Variants in PIK3AP1 observed in about 807,000 individuals in gnomAD.
PIK3AP1 encodes the protein phosphoinositide 3-kinase adapter protein 1.
A neutral mutation model predicts 88.1 loss-of-function variants in PIK3AP1; 21 were observed. That is an observed-to-expected ratio of 0.24 (90% confidence interval 0.17 to 0.34). The LOEUF (loss-of-function observed/expected upper bound fraction) is 0.34. Ranked by LOEUF, PIK3AP1 falls within the 10% of genes least tolerant of loss-of-function variation. PIK3AP1 has a pLI of 1.00. For missense variants in PIK3AP1, 828 were observed against 1,035.7 expected, an observed-to-expected ratio of 0.80 and a Z score of 2.75; for synonymous variants, 398 against 400.0, an observed-to-expected ratio of 1.00 and a Z score of 0.06.
chr10:96,716,230 C>T (rs986906815), intron 1 of PIK3AP1, among the ~76,000 whole-genome samples: 1 of 151,914 alleles, frequency 6.6e-6, no homozygotes, highest in African/African-American at 2.4e-5. Flanking sequence ...TGCAGTGAGC[C>T]CAGGTCGTAC....
At chr10:96,672,831 A>G (rs983849234) in intron 2 of PIK3AP1, among the ~76,000 whole-genome samples, 1 of 152,098 alleles carries the variant, frequency 6.6e-6, no homozygotes, top group African/African-American at 2.4e-5. Context: ...TCTATCCTCA[A>G]CCAAGAAGCC....
Position 96,633,037 on chromosome 10 carries a change from G to C in PIK3AP1, c.1376-4544C>G, listed in dbSNP as rs1337856281. On this transcript the variant is annotated intron_variant, in intron 8 of 16. Transcript: ENST00000339364. ...TGCAAAGAGACAAGATCCATAGCAGGCCACGCTGGTGAAAAACCTCATGTC... is the reference window on the plus strand; with the variant it reads ...TGCAAAGAGACAAGATCCATAGCAGCCCACGCTGGTGAAAAACCTCATGTC... The C allele has an allele frequency of 2.5e-6, 4 of 1,609,412 alleles. No homozygotes were observed. The South Asian group carries it at 3.3e-5, about 13-fold the overall frequency.
intron 2 of PIK3AP1, among the ~76,000 whole-genome samples, chr10:96,674,137 G>A (rs930973095): frequency 3.9e-5 from 6 of 152,186 alleles, no homozygotes; most frequent in Non-Finnish European, 7.4e-5. Flanking sequence ...CATAAATATA[G>A]GCCAAAATTA....
At chr10:96,663,645 A>AG (rs957158696) in intron 2 of PIK3AP1, among the ~76,000 whole-genome samples, 2 of 150,804 alleles carry the variant, frequency 1.3e-5, no homozygotes, top group African/African-American at 4.9e-5. Flanking sequence ...AAAAAAAAAA[A>AG]AAAAAAAAAG....
chr10:96,650,658 G>C (rs1041473477), intron 6 of PIK3AP1, among the ~76,000 whole-genome samples: 1 of 152,204 alleles, frequency 6.6e-6, no homozygotes, highest in Non-Finnish European at 1.5e-5. Flanking sequence ...TGGAGGTTTG[G>C]AGAAGGTCTT....
At position 96,651,318 on chromosome 10, in the gene PIK3AP1, C is replaced by T. The variant is rs1198286531; in HGVS notation, c.918G>A (p.Lys306=). ...GCAGTCCGCTTGCAGGGATATTGTT[C>T]TTCAGGGATTCGGTTAGCAGTTTAT... The part of the protein sequence containing the change: ...TLDKLLTESL[K]NNIPASGLHL... The change falls in exon 6 of 17, where the codon AAG becomes AAA. Residue 306 remains lysine, a synonymous_variant. Transcript: ENST00000339364. 6.2e-7 allele frequency: 1 copy of T among 1,614,162 alleles called. No homozygotes were observed. Among genetic ancestry groups the T allele is most frequent in the East Asian group, 2.2e-5 (1 of 44,886 alleles).
rs547285525 is a variant in PIK3AP1 at position 96,610,530 on chromosome 10, G to A, written c.2015-663C>T. Among the ~76,000 whole-genome samples the A allele has an allele frequency of 1.6e-4, 25 of 152,106 alleles. No individual in the cohort carries two copies. In the South Asian group the frequency reaches 4.0e-3, roughly 24 times the overall value. ...GCCTCTTGCTCTCTGCACAAGGAAC[G>A]GATGGTGGGTGGGTGGGTGTGGGCT... is the stretch of plus-strand genomic sequence containing the variant. On this transcript the variant is annotated intron_variant, in intron 13 of 16. Transcript: ENST00000339364.
intron 13 of PIK3AP1, 142 bp from the exon 14 acceptor site, chr10:96,610,009 G>T (rs1027684697): frequency 7.7e-5 from 80 of 1,039,114 alleles, no homozygotes; most frequent in Non-Finnish European, 1.1e-4. Context: ...GATGGGAGAG[G>T]GAGGGGCCCT....
intron 1 of PIK3AP1, among the ~76,000 whole-genome samples, chr10:96,711,901 C>A (rs1844443589): frequency 6.6e-6 from 1 of 151,570 alleles, no homozygotes; most frequent in Non-Finnish European, 1.5e-5. Context: ...CAGGCGCCCG[C>A]CATCACGCCC....
intron 9 of PIK3AP1, among the ~76,000 whole-genome samples, chr10:96,627,615 C>T (rs1373928314): frequency 1.3e-5 from 2 of 152,138 alleles, no homozygotes; most frequent in Admixed American, 6.5e-5. Flanking sequence ...GAGTCCCATC[C>T]TCTTAGCACT....
intron 2 of PIK3AP1, among the ~76,000 whole-genome samples, chr10:96,685,013 C>T (rs1248476021): frequency 6.6e-6 from 1 of 152,162 alleles, no homozygotes; most frequent in Admixed American, 6.5e-5. Context: ...ATCTCCCCAA[C>T]ACAGCCTCCT....
chr10:96,625,822 C>T (rs1158111633), intron 10 of PIK3AP1, among the ~76,000 whole-genome samples: 1 of 152,164 alleles, frequency 6.6e-6, no homozygotes, highest in Non-Finnish European at 1.5e-5. Flanking sequence ...AATCTCGGCT[C>T]ACTGTAACCT....
chr10:96,606,731 C>T (rs1382801973), intron 14 of PIK3AP1, among the ~76,000 whole-genome samples: 1 of 152,240 alleles, frequency 6.6e-6, no homozygotes, highest in African/African-American at 2.4e-5. Context: ...TACTCTTGTA[C>T]TTTCTCTCCT....
At chr10:96,701,189 T>A (rs1378533752) in intron 2 of PIK3AP1, among the ~76,000 whole-genome samples, 1 of 152,230 alleles carries the variant, frequency 6.6e-6, no homozygotes, top group African/African-American at 2.4e-5. Context: ...AAATTGCCAA[T>A]GCTCAGCCTG....
chr10:96,691,447 C>T (rs75110336), intron 2 of PIK3AP1, among the ~76,000 whole-genome samples: 1,546 of 151,710 alleles, frequency 0.01, 27 homozygotes, highest in African/African-American at 0.036. Context: ...CCAAGCCTTT[C>T]CCTTTGCCAT....
At chr10:96,601,895 C>CT (rs992601671) in intron 16 of PIK3AP1, among the ~76,000 whole-genome samples, 3 of 151,888 alleles carry the variant, frequency 2.0e-5, no homozygotes, top group Non-Finnish European at 4.4e-5. Context: ...TGTACTTATT[C>CT]TTTTTTTTGA....
chr10:96,617,392 A>T (rs1231556136), intron 12 of PIK3AP1, among the ~76,000 whole-genome samples: 1 of 152,208 alleles, frequency 6.6e-6, no homozygotes, highest in Non-Finnish European at 1.5e-5. Flanking sequence ...TGTCCAGACA[A>T]TCTGGCTGGA....
At chr10:96,699,660 A>G (rs1050478801) in intron 2 of PIK3AP1, among the ~76,000 whole-genome samples, 6 of 152,212 alleles carry the variant, frequency 3.9e-5, no homozygotes, top group Non-Finnish European at 8.8e-5. Context: ...AATAACCATC[A>G]GATGAACAGT....
At chr10:96,645,784 G>A (rs1007355375) in intron 7 of PIK3AP1, 122 bp from the exon 8 acceptor site, 1 of 780,834 alleles carries the variant, frequency 1.3e-6, no homozygotes, top group African/African-American at 1.8e-5. Flanking sequence ...ATTACAACTG[G>A]TTGTGTGTAT....
Sources: gnomAD v4.1 joint callset for allele counts (sites outside exome capture counted in the v4.1 genomes callset) on GRCh38, gnomAD v4.1.1 for gene constraint, MANE v1.5 for transcripts, NCBI Gene and HGNC (gene_info 2026-07-23, HGNC 2026-07-21) for gene names.